The following MRC2 variants were observed in gnomAD, a reference collection of about 807,000 sequenced individuals.
MRC2 encodes C-type mannose receptor 2.
In MRC2, 84 loss-of-function variants were observed where a neutral mutation model predicts 206.2. The observed-to-expected ratio is 0.41, with a 90% confidence interval of 0.34 to 0.49. The LOEUF (loss-of-function observed/expected upper bound fraction) is 0.49. Among genes scored for constraint, MRC2 ranks in the 20% least tolerant of loss-of-function variants. The pLI is 0.31. For missense variants in MRC2, 1,676 were observed against 2,001.5 expected, an observed-to-expected ratio of 0.84 and a Z score of 3.10; for synonymous variants, 798 against 800.0, an observed-to-expected ratio of 1.00 and a Z score of 0.04.
At position 62,680,915 on chromosome 17, in the gene MRC2, G is replaced by A. The variant is rs756778622; in HGVS notation, c.2589G>A (p.Val863=). ...GGTTCCAGGCCGAGCTGACCTCGGT[G>A]CACAGCCAGGCGGAGCTAGACTTCC... The part of the protein sequence containing the change: ...CTWFQAELTS[V]HSQAELDFLS... Residue 863 remains valine, a synonymous_variant, in exon 17 of 30, where the codon GTG becomes GTA. Transcript: ENST00000303375. This position sits in a 1 kb window ranked among gnomAD's most constrained non-coding sequence, Gnocchi z 4.8. 9 of 1,613,204 alleles carry A rather than the reference G, an allele frequency of 5.6e-6. No individual in the cohort carries two copies. Among genetic ancestry groups the A allele is most frequent in the Middle Eastern group, 1.6e-4 (1 of 6,062 alleles).
At chr17:62,681,646 T>G in intron 18 of MRC2, 191 bp from the exon 19 acceptor site, 1 of 562,182 alleles carries the variant, frequency 1.8e-6, no homozygotes, top group Non-Finnish European at 3.1e-6. Flanking sequence ...GCTGGGGCCT[T>G]ATCTAGAGGC....
At position 62,676,407 on chromosome 17, in the gene MRC2, C is replaced by G; in HGVS notation, c.1710C>G (p.Ser570Arg). Residue 570 changes from serine to arginine, a missense_variant, in exon 11 of 30, where the codon AGC (serine) becomes AGG (arginine). Around this residue, in one of 3 missense-constraint regions of MRC2, gnomAD observed 1,354 missense variants for 1,636.6 expected, o/e 0.83. Coordinates refer to ENST00000303375, the MANE Select transcript of MRC2 (RefSeq NM_006039.5). ...TNRFEQAFVS[S>R]LIYNWEGEYF... ...GGTTCGAGCAGGCCTTCGTCAGCAG[C>G]CTCATCTACAACTGGGAGGGCGAGT... 2 of 1,614,096 alleles carry G rather than the reference C, an allele frequency of 1.2e-6. No individual in the cohort carries two copies. Among genetic ancestry groups the G allele is most frequent in the Admixed American group, 3.3e-5 (2 of 60,014 alleles).
Position 62,692,713 on chromosome 17 carries a change from C to A in MRC2, c.*262C>A, listed in dbSNP as rs1462154439. On this transcript the variant is annotated 3_prime_UTR_variant, in exon 30 of 30. Transcript: ENST00000303375. The surrounding 1 kb of genome is among the most constrained non-coding windows in gnomAD (Gnocchi z 4.2). ...GTCTTGTCACCTGGTCCTGTGCCCCCACAGGAACCAGAGGTAGGATGGGAG... is the reference window on the plus strand; with the variant it reads ...GTCTTGTCACCTGGTCCTGTGCCCCAACAGGAACCAGAGGTAGGATGGGAG... 6 of 446,826 alleles carry A rather than the reference C, an allele frequency of 1.3e-5. No individual in the cohort carries two copies. The highest frequency in any genetic ancestry group is 3.9e-5 in the East Asian group (1 of 25,684). 27.7% of individuals were successfully genotyped at this position (446,826 alleles called of 1,614,324 possible).
chr17:62,671,413 G>A lies in MRC2; in HGVS notation c.1118-236G>A, dbSNP rs1330663868. ...GAGCCACAGCCAGAGGAAGTGTTCT[G>A]TCCTGGGTGGAATCTGCCACCACGA... On this transcript the variant is annotated intron_variant, in intron 6 of 29. Coordinates refer to ENST00000303375, the MANE Select transcript of MRC2 (RefSeq NM_006039.5). This position sits in a 1 kb window ranked among gnomAD's most constrained non-coding sequence, Gnocchi z 4.5. 6.6e-6 allele frequency among the ~76,000 whole-genome samples: 1 copy of A among 152,196 alleles called. No homozygotes were observed. The highest frequency in any genetic ancestry group is 1.5e-5 in the Non-Finnish European group (1 of 68,030).
intron 1 of MRC2, among the ~76,000 whole-genome samples, chr17:62,640,183 C>A (rs2465417): frequency 0.66 from 100,052 of 151,754 alleles, 33,203 homozygotes; most frequent in East Asian, 0.81. Flanking sequence ...CTGATTCTTA[C>A]AAGGAAAGTT....
chr17:62,649,480 A>G (rs2088529335), intron 1 of MRC2, among the ~76,000 whole-genome samples: 1 of 152,076 alleles, frequency 6.6e-6, no homozygotes, highest in African/African-American at 2.4e-5. Context: ...AATCCCAGCT[A>G]CCTGGGTGGC....
intron 1 of MRC2, among the ~76,000 whole-genome samples, chr17:62,637,429 G>A (rs535622917): frequency 2.6e-5 from 4 of 152,166 alleles, no homozygotes; most frequent in East Asian, 3.9e-4. Context: ...CCAGCAGCTC[G>A]GGAGGCTGAG....
intron 1 of MRC2, among the ~76,000 whole-genome samples, chr17:62,653,713 G>C (rs1192677923): frequency 1.3e-5 from 2 of 152,130 alleles, no homozygotes; most frequent in Non-Finnish European, 2.9e-5. Context: ...AAAGCAGTTT[G>C]GCCTGGCTGG....
rs1037623250 is a variant in MRC2, at chr17:62,674,233, G to A, written c.1569+63G>A. On this transcript the variant is annotated intron_variant, in intron 9 of 29. Coordinates refer to ENST00000303375, the MANE Select transcript of MRC2 (RefSeq NM_006039.5). ...CTGTCAGAGGGGCTACCAGGGGAGG[G>A]AGAGGTGGATGAACTCCTGCTGCCT... 9 of 1,268,732 alleles carry A rather than the reference G, an allele frequency of 7.1e-6. No homozygotes were observed. In the African/African-American group the frequency reaches 1.2e-4, roughly 17 times the overall value. The allele number at this position is 1,268,732 out of a possible 1,614,324, so 78.6% of individuals were successfully genotyped here. A position where few individuals can be genotyped will look rare whatever the true frequency, so the allele number is the denominator to read the frequency against.
intron 1 of MRC2, among the ~76,000 whole-genome samples, chr17:62,628,944 C>A (rs941994538): frequency 1.3e-5 from 2 of 152,156 alleles, no homozygotes; most frequent in Admixed American, 6.5e-5. Context: ...CCAGACAGCC[C>A]CCTGGAGAGT....
intron 1 of MRC2, among the ~76,000 whole-genome samples, chr17:62,655,623 G>A (rs1024614450): frequency 8.6e-5 from 13 of 151,454 alleles, no homozygotes; most frequent in Non-Finnish European, 1.8e-4. Context: ...GGGGGCTTAG[G>A]TGGGAGGATC....
intron 1 of MRC2, among the ~76,000 whole-genome samples, chr17:62,642,987 C>A (rs1328719103): frequency 3.3e-5 from 5 of 152,102 alleles, no homozygotes; most frequent in Admixed American, 3.3e-4. Context: ...ATGGAGTTCA[C>A]AAACTGAGCC....
At chr17:62,644,347 A>T (rs993532443) in intron 1 of MRC2, among the ~76,000 whole-genome samples, 2 of 149,998 alleles carry the variant, frequency 1.3e-5, no homozygotes, top group Non-Finnish European at 1.5e-5. Context: ...TGAACCCAGA[A>T]GATGGAGGTT....
chr17:62,637,892 G>T (rs561822458), intron 1 of MRC2, among the ~76,000 whole-genome samples: 1 of 152,308 alleles, frequency 6.6e-6, no homozygotes, highest in Admixed American at 6.5e-5. Flanking sequence ...TTGTTTGTTT[G>T]AAACAGGGTC....
intron 28 of MRC2, among the ~76,000 whole-genome samples, chr17:62,691,560 A>C (rs3786132): frequency 0.31 from 46,856 of 151,948 alleles, 8,811 homozygotes; most frequent in Non-Finnish European, 0.41. Context: ...ACTTGAGGTC[A>C]GGGGTTCAAG....
rs111536285 is a variant in MRC2 at position 62,672,258 on chromosome 17, C to T, written c.1461+106C>T. On this transcript the variant is annotated intron_variant, in intron 8 of 29. Coordinates refer to ENST00000303375, the MANE Select transcript of MRC2 (RefSeq NM_006039.5). The surrounding 1 kb of genome is among the most constrained non-coding windows in gnomAD (Gnocchi z 4.5). ...AGTTACTATCAGAACCTGCCTGGAA[C>T]CTCTTACCTCTCAGCAGTCCCCCTC... 1 of 1,338,310 alleles carries T rather than the reference C, an allele frequency of 7.5e-7. No homozygotes were observed. The highest frequency in any genetic ancestry group is 1.1e-6 in the Non-Finnish European group (1 of 952,246). The allele number at this position is 1,338,310 out of a possible 1,614,324, so 82.9% of individuals were successfully genotyped here.
rs1049346096 is a variant in MRC2 at position 62,664,363 on chromosome 17, G to A, written c.119-185G>A. On this transcript the variant is annotated intron_variant, in intron 1 of 29. Transcript: ENST00000303375. The surrounding 1 kb of genome is among the most constrained non-coding windows in gnomAD (Gnocchi z 4.7). ...AGGCCTCTGCCTCATCTGGGCACAA[G>A]GGCTTAGCACTGCCACTCATTTCCA... Among the ~76,000 whole-genome samples, 15 of 152,204 alleles carry A rather than the reference G, an allele frequency of 9.9e-5. No individual in the cohort carries two copies. Among genetic ancestry groups the A allele is most frequent in the African/African-American group, 3.6e-4 (15 of 41,458 alleles).
At position 62,678,641 on chromosome 17, in the gene MRC2, C is replaced by T; in HGVS notation, c.2190C>T (p.Ile730=). ...TTGTGGCCAACATGCTCAACAAGAT[C>T]TTCGGGTACTGAGCCGGGCTGAGGC... ...EHFVANMLNK[I]FGESEPEIHE... The change falls in exon 13 of 30, where the codon ATC becomes ATT. Residue 730 remains isoleucine (I), a synonymous_variant. Coordinates refer to ENST00000303375, the MANE Select transcript of MRC2 (RefSeq NM_006039.5). 6.2e-7 allele frequency: 1 copy of T among 1,611,196 alleles called. No individual in the cohort carries two copies. Among genetic ancestry groups the T allele is most frequent in the Non-Finnish European group, 8.5e-7 (1 of 1,178,824 alleles).
chr17:62,682,799 C>A (rs1354320911), intron 20 of MRC2, among the ~76,000 whole-genome samples: 1 of 151,824 alleles, frequency 6.6e-6, no homozygotes, highest in Non-Finnish European at 1.5e-5. Context: ...CTGCCACCAC[C>A]CCTGGCTAAT....
Sources: allele counts gnomAD v4.1 joint callset (sites outside exome capture counted in the v4.1 genomes callset), GRCh38; gene constraint gnomAD v4.1.1; regional missense constraint gnomAD v4.1.1; non-coding constraint Gnocchi (gnomAD v3.1); transcripts MANE v1.5; gene names NCBI Gene and HGNC (gene_info 2026-07-23, HGNC 2026-07-21).